RBFOX1: variants seen among roughly 807,000 people sequenced by gnomAD.
RBFOX1 encodes the protein RNA binding protein fox-1 homolog 1.
Under a neutral mutation model 57.7 loss-of-function variants are expected in RBFOX1, and 8 were observed. The observed-to-expected ratio is 0.14, with a 90% CI of 0.08 to 0.25. The LOEUF is 0.25. Among genes scored for constraint, RBFOX1 ranks in the 10% least tolerant of loss-of-function variants. The pLI is 1.00. For missense variants in RBFOX1, 611 were observed against 548.5 expected (o/e 1.11, Z -1.14); for synonymous variants, 326 against 222.4 (o/e 1.47, Z -4.15).
chr16:5,441,489 C>T (rs764353439), intron 1 of RBFOX1, among the ~76,000 whole-genome samples: 3 of 151,788 alleles, frequency 2.0e-5, no homozygotes, highest in Non-Finnish European at 4.4e-5. Context: ...CTCAGCCTCC[C>T]AAGTAGCTGG....
chr16:6,128,374 C>A (rs1018060711), intron 1 of RBFOX1, among the ~76,000 whole-genome samples: 2 of 152,126 alleles, frequency 1.3e-5, no homozygotes, highest in African/African-American at 4.8e-5. Context: ...ACAACTGATA[C>A]CAGGTTGGTC....
chr16:5,286,282 T>A (rs1392888984), intron 1 of RBFOX1, among the ~76,000 whole-genome samples: 2 of 151,734 alleles, frequency 1.3e-5, no homozygotes, highest in African/African-American at 4.8e-5. Flanking sequence ...GCAGTGGCAG[T>A]ACTGGGCCAG....
intron 4 of RBFOX1, among the ~76,000 whole-genome samples, chr16:5,998,369 C>T (rs1288086123): frequency 6.6e-6 from 1 of 152,082 alleles, no homozygotes; most frequent in African/African-American, 2.4e-5. Context: ...TTGTCTATAA[C>T]AAAAGAAATA....
intron 3 of RBFOX1, among the ~76,000 whole-genome samples, chr16:6,761,934 T>C (rs984165653): frequency 4.6e-5 from 7 of 152,126 alleles, no homozygotes; most frequent in African/African-American, 1.7e-4. Flanking sequence ...CTGATGATCA[T>C]TTATCTCTGA....
intron 4 of RBFOX1, among the ~76,000 whole-genome samples, chr16:7,324,960 C>A (rs1440673635): frequency 1.3e-5 from 2 of 152,178 alleles, no homozygotes; most frequent in Non-Finnish European, 2.9e-5. Context: ...ATATACCTAT[C>A]CTTTGTTAAT....
chr16:7,446,923 C>G (rs866035225), intron 4 of RBFOX1, among the ~76,000 whole-genome samples: 4 of 144,520 alleles, frequency 2.8e-5, no homozygotes, highest in South Asian at 4.5e-4. Flanking sequence ...CAGCATTCTC[C>G]TGTCTCAGCC....
chr16:6,133,598 A>G (rs962836460), intron 1 of RBFOX1, among the ~76,000 whole-genome samples: 2 of 152,110 alleles, frequency 1.3e-5, no homozygotes, highest in Non-Finnish European at 2.9e-5. Context: ...TTTAAAATCC[A>G]TATCTTATTT....
chr16:7,474,004 C>A (rs764197644), intron 4 of RBFOX1, among the ~76,000 whole-genome samples: 2 of 152,058 alleles, frequency 1.3e-5, no homozygotes, highest in African/African-American at 2.4e-5. Context: ...AAAACAGCCC[C>A]CCGGCCGGGC....
intron 3 of RBFOX1, among the ~76,000 whole-genome samples, chr16:6,657,585 C>T (rs1019442879): frequency 2.0e-5 from 3 of 152,150 alleles, no homozygotes; most frequent in African/African-American, 4.8e-5. Flanking sequence ...GGAAATTTCA[C>T]CACTGGAGTG....
At chr16:5,565,297 A>G (rs1167268839) in intron 2 of RBFOX1, among the ~76,000 whole-genome samples, 1 of 152,146 alleles carries the variant, frequency 6.6e-6, no homozygotes, top group Non-Finnish European at 1.5e-5. Flanking sequence ...GCGTGTGTTC[A>G]TGTGCATGCA....
At chr16:7,242,733 C>G (rs144359746) in intron 4 of RBFOX1, among the ~76,000 whole-genome samples, 1 of 152,166 alleles carries the variant, frequency 6.6e-6, no homozygotes, top group South Asian at 2.1e-4. Context: ...TGAGTGGCCA[C>G]GTGCATGATG....
At chr16:5,528,959 C>T (rs1263306411) in intron 2 of RBFOX1, among the ~76,000 whole-genome samples, 1 of 151,946 alleles carries the variant, frequency 6.6e-6, no homozygotes, top group Non-Finnish European at 1.5e-5. Context: ...CACCAATTCT[C>T]TAATTTTCTA....
At chr16:7,025,542 C>G (rs1266094338) in intron 3 of RBFOX1, among the ~76,000 whole-genome samples, 2 of 152,160 alleles carry the variant, frequency 1.3e-5, no homozygotes, top group East Asian at 3.9e-4. Context: ...ACACCTCTGA[C>G]AAAACCGGAT....
intron 4 of RBFOX1, among the ~76,000 whole-genome samples, chr16:7,277,688 C>T (rs2095467729): frequency 1.3e-5 from 2 of 151,870 alleles, no homozygotes; most frequent in African/African-American, 4.8e-5. Flanking sequence ...GGGCGGATAC[C>T]CATCGAAAAA....
intron 3 of RBFOX1, among the ~76,000 whole-genome samples, chr16:6,771,736 AG>A (rs1165908716): frequency 6.6e-6 from 1 of 152,196 alleles, no homozygotes; most frequent in Admixed American, 6.5e-5. Flanking sequence ...GGTGGAGGCC[AG>A]GGATGCTGTT....
At chr16:5,445,184 T>G (rs1411854459) in intron 1 of RBFOX1, among the ~76,000 whole-genome samples, 2 of 152,218 alleles carry the variant, frequency 1.3e-5, no homozygotes, top group Non-Finnish European at 2.9e-5. Flanking sequence ...ACTTGGTAGC[T>G]TAGACCAGAG....
At chr16:6,467,710 G>A (rs992665398) in intron 2 of RBFOX1, among the ~76,000 whole-genome samples, 1 of 152,146 alleles carries the variant, frequency 6.6e-6, no homozygotes, top group African/African-American at 2.4e-5. Flanking sequence ...ATATGCCACT[G>A]GACTCTTCCA....
intron 4 of RBFOX1, among the ~76,000 whole-genome samples, chr16:7,303,021 A>G (rs1205890959): frequency 1.3e-5 from 2 of 152,188 alleles, no homozygotes; most frequent in Non-Finnish European, 2.9e-5. Flanking sequence ...TCAGACACGG[A>G]CTTCCCTACC....
chr16:5,850,957 G>A (rs542100892), intron 3 of RBFOX1, among the ~76,000 whole-genome samples: 5 of 152,186 alleles, frequency 3.3e-5, no homozygotes, highest in South Asian at 2.1e-4. Flanking sequence ...ATCCTGCTGC[G>A]TTCCCGGAGG....
Sources: gnomAD v4.1 joint callset for allele counts (sites outside exome capture counted in the v4.1 genomes callset) on GRCh38, gnomAD v4.1.1 for gene constraint, MANE v1.5 for transcripts, NCBI Gene and HGNC (gene_info 2026-07-23, HGNC 2026-07-21) for gene names.